Variants in EXOC4 observed in about 807,000 individuals in gnomAD.
The protein encoded by EXOC4 is exocyst complex component 4.
EXOC4 carries 71 observed loss-of-function variants against 107.2 expected under a neutral mutation model. The ratio of observed to expected loss-of-function variants is 0.66; its 90% CI spans 0.55 to 0.81. The LOEUF is 0.81. Among genes scored for constraint, EXOC4 ranks in the 30% least tolerant of loss-of-function variants. EXOC4 has a pLI of 0.00. For synonymous variants in EXOC4, 456 were observed against 441.2 expected (o/e 1.03, Z -0.42); for missense variants, 1,108 against 1,189.6 (o/e 0.93, Z 1.01).
intron 13 of EXOC4, among the ~76,000 whole-genome samples, chr7:133,932,734 T>A (rs13221033): frequency 0.46 from 70,633 of 152,090 alleles, 17,657 homozygotes; most frequent in African/African-American, 0.65. Flanking sequence ...TGTAACCAAT[T>A]ACCACTGTTG....
intron 10 of EXOC4, among the ~76,000 whole-genome samples, chr7:133,721,113 C>T (rs1051626530): frequency 6.6e-6 from 1 of 152,080 alleles, no homozygotes; most frequent in African/African-American, 2.4e-5. Context: ...AAAATATGTA[C>T]TATACACTGG....
At chr7:133,764,059 G>T (rs60848374) in intron 10 of EXOC4, among the ~76,000 whole-genome samples, 14,839 of 152,054 alleles carry the variant, frequency 0.098, 791 homozygotes, top group Middle Eastern at 0.13. Context: ...TTTGTGAATG[G>T]TGACAATACT....
At chr7:133,439,772 G>A (rs1283279126) in intron 7 of EXOC4, among the ~76,000 whole-genome samples, 1 of 152,058 alleles carries the variant, frequency 6.6e-6, no homozygotes, top group East Asian at 1.9e-4. Context: ...AAAGATGTAG[G>A]AGGAGATTAT....
At chr7:134,092,583 A>G in the EXOC4 span, among the ~76,000 whole-genome samples, 1 of 152,168 alleles carries the variant, frequency 6.6e-6, no homozygotes, top group African/African-American at 2.4e-5. Context: ...AGAAATTCCA[A>G]CCAAGAATTT....
At chr7:133,649,459 T>A (rs1334306167) in intron 10 of EXOC4, among the ~76,000 whole-genome samples, 1 of 12,620 alleles carries the variant, frequency 7.9e-5, no homozygotes, top group African/African-American at 1.8e-4. Context: ...GAAGCATTAC[T>A]ACTTTTTCTT....
At chr7:133,798,698 T>C (rs928982142) in intron 10 of EXOC4, among the ~76,000 whole-genome samples, 2 of 152,222 alleles carry the variant, frequency 1.3e-5, no homozygotes, top group African/African-American at 4.8e-5. Flanking sequence ...CCTCAGACCC[T>C]GTGGCCTCTC....
chr7:133,745,408 T>C (rs1303952046), intron 10 of EXOC4, among the ~76,000 whole-genome samples: 1 of 152,172 alleles, frequency 6.6e-6, no homozygotes, highest in African/African-American at 2.4e-5. Context: ...ATGAGAATTA[T>C]AGAAGTATCT....
intron 10 of EXOC4, among the ~76,000 whole-genome samples, chr7:133,722,754 A>G (rs909576098): frequency 6.6e-6 from 1 of 152,230 alleles, no homozygotes; most frequent in African/African-American, 2.4e-5. Context: ...AAAGTGGTGT[A>G]TAATATCACT....
chr7:133,787,569 CAG>C (rs1796601274), intron 10 of EXOC4, among the ~76,000 whole-genome samples: 1 of 151,734 alleles, frequency 6.6e-6, no homozygotes, highest in South Asian at 2.1e-4. Context: ...GCTTAAACAA[CAG>C]ACAGTTCTGG....
chr7:133,499,887 G>T (rs1799545799), intron 9 of EXOC4, among the ~76,000 whole-genome samples: 1 of 152,096 alleles, frequency 6.6e-6, no homozygotes, highest in African/African-American at 2.4e-5. Context: ...CTCCAGAACT[G>T]TGAGCCAGTT....
chr7:133,297,483 A>G (rs1794544845), intron 3 of EXOC4, among the ~76,000 whole-genome samples: 1 of 152,216 alleles, frequency 6.6e-6, no homozygotes, highest in South Asian at 2.1e-4. Context: ...TTTAAAAGCA[A>G]GAAGTTCTTA....
intron 9 of EXOC4, among the ~76,000 whole-genome samples, chr7:133,532,954 G>A (rs1389220252): frequency 6.6e-6 from 1 of 151,972 alleles, no homozygotes; most frequent in African/African-American, 2.4e-5. Context: ...ATTTCAGGGT[G>A]AAAATTGCAT....
At chr7:134,012,695 T>C (rs1182438089) in intron 17 of EXOC4, among the ~76,000 whole-genome samples, 2 of 152,018 alleles carry the variant, frequency 1.3e-5, no homozygotes, top group East Asian at 1.9e-4. Context: ...TTTAAAGTCA[T>C]GAGAAAGGCT....
chr7:133,317,777 G>A (rs1376715359), intron 5 of EXOC4, among the ~76,000 whole-genome samples: 19 of 152,008 alleles, frequency 1.2e-4, no homozygotes, highest in Admixed American at 1.2e-3. Context: ...TGCCTCCTGG[G>A]TTCAAGGGAT....
intron 14 of EXOC4, among the ~76,000 whole-genome samples, chr7:133,985,486 T>A (rs572269861): frequency 6.6e-6 from 1 of 152,210 alleles, no homozygotes; most frequent in East Asian, 1.9e-4. Context: ...AACAACCTGC[T>A]GTGACTCTAA....
chr7:134,043,140 AT>A (rs74570025), intron 17 of EXOC4, among the ~76,000 whole-genome samples: 1,881 of 151,008 alleles, frequency 0.012, 37 homozygotes, highest in African/African-American at 0.042. Context: ...AGTCTACTCC[AT>A]TTTTTTTTCC....
chr7:133,844,657 G>A (rs1214655771), intron 11 of EXOC4, among the ~76,000 whole-genome samples: 1 of 151,784 alleles, frequency 6.6e-6, no homozygotes, highest in Non-Finnish European at 1.5e-5. Context: ...CAAAGCTCTG[G>A]GATTACAAGC....
At chr7:134,093,872 A>T in the EXOC4 span, among the ~76,000 whole-genome samples, 1 of 152,208 alleles carries the variant, frequency 6.6e-6, no homozygotes, top group Non-Finnish European at 1.5e-5. Context: ...ATTTGAAATA[A>T]CTGAAAACAG....
At chr7:133,977,377 T>G (rs1793862221) in intron 14 of EXOC4, among the ~76,000 whole-genome samples, 1 of 152,192 alleles carries the variant, frequency 6.6e-6, no homozygotes, top group Admixed American at 6.5e-5. Context: ...GTGTTCAGTA[T>G]TCACTAAATC....
Sources: allele counts gnomAD v4.1 joint callset (sites outside exome capture counted in the v4.1 genomes callset), GRCh38; gene constraint gnomAD v4.1.1; transcripts MANE v1.5; gene names NCBI Gene and HGNC (gene_info 2026-07-23, HGNC 2026-07-21).